The following ACAT1 variants were observed in gnomAD, a reference collection of about 807,000 sequenced individuals.
The protein encoded by ACAT1 is acetyl-CoA acetyltransferase, mitochondrial.
Under a neutral mutation model 47.3 loss-of-function variants are expected in ACAT1, and 28 were observed. The observed-to-expected ratio is 0.59, with a 90% CI of 0.44 to 0.81. The LOEUF is 0.81. Ranked by LOEUF, ACAT1 falls within the 30% of genes least tolerant of loss-of-function variation. ACAT1 has a pLI of 0.00. For synonymous variants in ACAT1, 181 were observed against 173.6 expected (o/e 1.04, Z -0.34); for missense variants, 469 against 524.3 (o/e 0.89, Z 1.03).
intron 1 of ACAT1, among the ~76,000 whole-genome samples, chr11:108,129,499 G>C (rs2077316567): frequency 6.6e-6 from 1 of 152,070 alleles, no homozygotes; most frequent in African/African-American, 2.4e-5. Flanking sequence ...TTCCCGAGTA[G>C]CTGGGATTAC....
At chr11:108,127,181 G>C (rs34971817) in intron 1 of ACAT1, among the ~76,000 whole-genome samples, 35,526 of 151,398 alleles carry the variant, frequency 0.23, 4,571 homozygotes, top group East Asian at 0.55. Flanking sequence ...CAGCTGTCAG[G>C]TTGGCGCTTG....
intron 8 of ACAT1, 45 bp downstream of exon 8, chr11:108,141,745 AC>A: frequency 7.6e-7 from 1 of 1,323,582 alleles, no homozygotes. Context: ...GAGCCAGTAT[AC>A]CATATCTAGT....
At chr11:108,138,498 G>A (rs968859790) in intron 5 of ACAT1, among the ~76,000 whole-genome samples, 3 of 151,860 alleles carry the variant, frequency 2.0e-5, no homozygotes, top group Non-Finnish European at 4.4e-5. Context: ...CCAGGTTCAA[G>A]CAATCCTCCT....
chr11:108,126,247 C>T (rs892847806), intron 1 of ACAT1, among the ~76,000 whole-genome samples: 8 of 152,176 alleles, frequency 5.3e-5, no homozygotes, highest in African/African-American at 1.9e-4. Context: ...AAGTGATCCA[C>T]CTGCCTCGGC....
chr11:108,119,786 T>C (rs1482076330), upstream of ACAT1, among the ~76,000 whole-genome samples: 2 of 152,034 alleles, frequency 1.3e-5, no homozygotes, highest in African/African-American at 4.8e-5. Context: ...GGGAAAGGTG[T>C]GAGTGTGACA....
chr11:108,135,657 G>T lies in ACAT1; in HGVS notation c.435+415G>T, dbSNP rs561683321. On this transcript the variant is annotated intron_variant, in intron 5 of 11. Transcript: ENST00000265838. ...GGGGCAGATCACATGGTGAAACCCC[G>T]TCTCTACTAAAAATACAAAAATTAG... Among the ~76,000 whole-genome samples, 4 of 151,978 alleles carry T rather than the reference G, an allele frequency of 2.6e-5. No homozygotes were observed. In the East Asian group the frequency reaches 5.8e-4, roughly 22 times the overall value.
chr11:108,147,335 C>A lies in ACAT1; in HGVS notation c.1229C>A (p.Ala410Asp). The change falls in exon 12 of 12, where the codon GCC (alanine) becomes GAC (aspartate). Residue 410 changes from alanine to aspartate, a missense_variant. Transcript: ENST00000265838. ...HALKQGEYGL[A>D]SICNGGGGAS... is the part of the protein sequence containing the mutation. ...TTGAAGCAAGGAGAATACGGTCTTG[C>A]CAGTATTTGCAATGGAGGAGGAGGT... is the stretch of plus-strand genomic sequence containing the variant. 1 of 1,613,818 alleles carries A rather than the reference C, an allele frequency of 6.2e-7. No homozygotes were observed. Among genetic ancestry groups the A allele is most frequent in the Non-Finnish European group, 8.5e-7 (1 of 1,179,894 alleles).
intron 10 of ACAT1, among the ~76,000 whole-genome samples, chr11:108,145,623 C>T (rs925996843): frequency 3.9e-5 from 6 of 152,090 alleles, no homozygotes; most frequent in African/African-American, 1.2e-4. Context: ...GCATTATGTG[C>T]CCCTAAATAG....
intron 10 of ACAT1, 50 bp downstream of exon 10, chr11:108,144,097 C>A (rs777452781): frequency 2.5e-6 from 4 of 1,587,728 alleles, no homozygotes; most frequent in African/African-American, 2.7e-5. Context: ...TTCTGGTTTG[C>A]TTATACCAAG....
chr11:108,144,218 C>CAAA, intron 10 of ACAT1, 171 bp downstream of exon 10: 2 of 489,192 alleles, frequency 4.1e-6, no homozygotes, highest in African/African-American at 2.2e-5. Flanking sequence ...GGATAACAAA[C>CAAA]AAAAAAAAAA....
chr11:108,139,291 T>G (rs180907157), intron 6 of ACAT1: 27 of 475,952 alleles, frequency 5.7e-5, no homozygotes, highest in African/African-American at 4.5e-4. Context: ...TTCAAGTATG[T>G]GAAGATAAGA....
intron 7 of ACAT1, among the ~76,000 whole-genome samples, chr11:108,140,669 C>T (rs1194344042): frequency 6.6e-6 from 1 of 152,170 alleles, no homozygotes; most frequent in Non-Finnish European, 1.5e-5. Context: ...AAAGTTGCTG[C>T]CTCTACCTCT....
At chr11:108,124,395 C>T (rs1031729749) in intron 1 of ACAT1, among the ~76,000 whole-genome samples, 1 of 152,132 alleles carries the variant, frequency 6.6e-6, no homozygotes, top group Admixed American at 6.5e-5. Context: ...TCCTGAGTAG[C>T]TGGGATTACA....
At chr11:108,117,302 T>C (rs538969234), upstream of ACAT1, among the ~76,000 whole-genome samples, 4 of 149,674 alleles carry the variant, frequency 2.7e-5, 1 homozygote, top group East Asian at 8.0e-4. Context: ...CAAGGCTCTG[T>C]CTCTCTCTTT....
At chr11:108,139,952 A>G (rs941202941) in intron 6 of ACAT1, 113 bp from the exon 7 acceptor site, 7 of 1,361,696 alleles carry the variant, frequency 5.1e-6, no homozygotes, top group Non-Finnish European at 7.0e-6. Context: ...CCTCCGGCCT[A>G]AGAAATATAT....
chr11:108,132,415 C>T (rs2077378301), intron 2 of ACAT1, among the ~76,000 whole-genome samples: 1 of 152,170 alleles, frequency 6.6e-6, no homozygotes, highest in Non-Finnish European at 1.5e-5. Flanking sequence ...TCTAAGCAAC[C>T]ATTCTGTTAT....
At chr11:108,143,782 C>A in intron 9 of ACAT1, 1 of 183,382 alleles carries the variant, frequency 5.5e-6, no homozygotes, top group Non-Finnish European at 1.1e-5. Context: ...TACCCCCAAA[C>A]TCCCCCCCAA....
At chr11:108,145,511 T>A (rs531428642) in intron 10 of ACAT1, among the ~76,000 whole-genome samples, 1 of 151,688 alleles carries the variant, frequency 6.6e-6, no homozygotes, top group South Asian at 2.1e-4. Context: ...TCAGCCTGGG[T>A]GACAGAGCAA....
rs559903915 is a variant in ACAT1, at chr11:108,144,046, T to C, written c.1004T>C (p.Met335Thr). The C allele has an allele frequency of 3.5e-6, 5 of 1,421,626 alleles. No homozygotes were observed. Among genetic ancestry groups the C allele is most frequent in the South Asian group, 1.1e-5 (1 of 88,708 alleles). The allele number at this position is 1,421,626 out of a possible 1,614,324, so 88.1% of individuals were successfully genotyped here. Reference protein sequence around the residue: ...FPIAPVYAASMVLKDVGLKKE... With the variant: ...FPIAPVYAASTVLKDVGLKKE... ...ATTGCTCCTGTATATGCTGCATCTA[T>C]GGTGAGAACAAAGTGAGGGGCGATA... is the stretch of plus-strand genomic sequence containing the variant. Residue 335 changes from methionine (M) to threonine (T), a missense_variant and splice_region_variant, in exon 10 of 12, where the codon ATG becomes ACG. Coordinates refer to ENST00000265838, the MANE Select transcript of ACAT1 (RefSeq NM_000019.4).
Sources: allele counts gnomAD v4.1 joint callset (sites outside exome capture counted in the v4.1 genomes callset), GRCh38; gene constraint gnomAD v4.1.1; transcripts MANE v1.5; gene names NCBI Gene and HGNC (gene_info 2026-07-23, HGNC 2026-07-21).